DHX40: variants seen among roughly 807,000 people sequenced by gnomAD.
DHX40 encodes DEAH-box helicase 40, also known as probable ATP-dependent RNA helicase DHX40.
DHX40 carries 28 observed loss-of-function variants against 89.6 expected under a neutral mutation model. That is an observed-to-expected ratio of 0.31 (90% confidence interval 0.23 to 0.43). The LOEUF (loss-of-function observed/expected upper bound fraction) is 0.43, where lower values mean the gene tolerates loss of function less well. DHX40 is among the 20% of genes least tolerant of loss of function. The probability of loss-of-function intolerance (pLI) is 1.00; values close to 1 mark genes in which losing one functional copy is unlikely to be tolerated. For synonymous variants in DHX40, 226 were observed against 283.6 expected (o/e 0.80, Z 2.04); for missense variants, 457 against 844.0 (o/e 0.54, Z 5.68).
chr17:59,571,457 CAAAA>C (rs111317491), intron 3 of DHX40, among the ~76,000 whole-genome samples: 4 of 136,480 alleles, frequency 2.9e-5, no homozygotes, highest in African/African-American at 2.7e-5. Flanking sequence ...AACTCCACCT[CAAAA>C]AAAAAAAAAA....
At chr17:59,577,390 A>C (rs778967244) in intron 8 of DHX40, 25 bp downstream of exon 8, 34 of 1,586,572 alleles carry the variant, frequency 2.1e-5, no homozygotes, top group Non-Finnish European at 2.9e-5. Context: ...CTTTCTCTTA[A>C]AGTCAAGGAA....
At chr17:59,588,443 CTT>C (rs1193000792) in intron 12 of DHX40, among the ~76,000 whole-genome samples, 2 of 151,286 alleles carry the variant, frequency 1.3e-5, no homozygotes, top group African/African-American at 2.4e-5. Context: ...AGGGATCACT[CTT>C]TGTGTTATAT....
intron 12 of DHX40, among the ~76,000 whole-genome samples, chr17:59,594,874 C>G: frequency 6.6e-6 from 1 of 151,368 alleles, no homozygotes; most frequent in South Asian, 2.1e-4. Context: ...ACTGTCCTTA[C>G]CGAATTCCAT....
chr17:59,597,656 G>A (rs945306670), intron 12 of DHX40, among the ~76,000 whole-genome samples: 9 of 151,744 alleles, frequency 5.9e-5, no homozygotes, highest in Non-Finnish European at 1.3e-4. Context: ...CTGGGCTTGG[G>A]CCGGGCACGG....
chr17:59,565,806 GA>G, intron 1 of DHX40, 23 bp downstream of exon 1: 1 of 1,578,326 alleles, frequency 6.3e-7, no homozygotes. Context: ...GGACGGTACG[GA>G]AGCCAGCGGG....
chr17:59,589,968 A>G lies in DHX40; in HGVS notation c.1582+1915A>G, dbSNP rs145004760. On this transcript the variant is annotated intron_variant, in intron 12 of 17. Transcript: ENST00000251241. ...ACTCCTGACCTCAGGTGATCTGCCT[A>G]CCTTGGCCTTGGGATTGCAGGCATG... 4.0e-3 allele frequency among the ~76,000 whole-genome samples: 596 copies of G among 150,426 alleles called. 20 individuals carry two copies. The highest frequency in any genetic ancestry group is 0.028 in the East Asian group (146 of 5,134).
chr17:59,581,926 A>G (rs1448175180), intron 10 of DHX40, among the ~76,000 whole-genome samples: 5 of 120,376 alleles, frequency 4.2e-5, no homozygotes, highest in Non-Finnish European at 8.1e-5. Flanking sequence ...AGAGAAAAGC[A>G]TGTAATAAAT....
At chr17:59,571,223 C>T (rs1028963488) in intron 3 of DHX40, among the ~76,000 whole-genome samples, 5 of 151,976 alleles carry the variant, frequency 3.3e-5, no homozygotes, top group Non-Finnish European at 7.4e-5. Context: ...TTTGGGAGGC[C>T]GAGGCGGGTG....
chr17:59,604,107 T>C (rs1453779172), intron 15 of DHX40: 1 of 152,210 alleles, frequency 6.6e-6, no homozygotes, highest in Non-Finnish European at 1.5e-5. Context: ...ATTGGTGAAA[T>C]GTCAGTGGGG....
chr17:59,566,200 C>T (rs2048702616), intron 1 of DHX40, among the ~76,000 whole-genome samples: 1 of 152,152 alleles, frequency 6.6e-6, no homozygotes, highest in African/African-American at 2.4e-5. Flanking sequence ...ATCAGTCGCT[C>T]TGAACAGGGA....
At chr17:59,587,700 C>T (rs914303838) in intron 11 of DHX40, among the ~76,000 whole-genome samples, 196 bp from the exon 12 acceptor site, 10 of 151,770 alleles carry the variant, frequency 6.6e-5, no homozygotes, top group African/African-American at 2.4e-4. Context: ...TCAGGTGATC[C>T]ACCTGCCTCA....
rs1266557999 is a variant in DHX40 at position 59,577,838 on chromosome 17, G to C, written c.1073+473G>C. 1.1e-4 allele frequency among the ~76,000 whole-genome samples: 16 copies of C among 151,934 alleles called. No homozygotes were observed. The East Asian group carries it at 2.1e-3, about 20-fold the overall frequency. ...AATGCTTTATGGGTTTCACTAAATA[G>C]GAAGCCAAACCTATTTTTCTGTACT... is the stretch of plus-strand genomic sequence containing the variant. On this transcript the variant is annotated intron_variant, in intron 8 of 17. Transcript: ENST00000251241.
chr17:59,598,552 A>G (rs1361564320), intron 12 of DHX40, among the ~76,000 whole-genome samples, 185 bp from the exon 13 acceptor site: 1 of 152,066 alleles, frequency 6.6e-6, no homozygotes, highest in Non-Finnish European at 1.5e-5. Flanking sequence ...CTCCAAAGTG[A>G]TATGAAAAGA....
Position 59,574,173 on chromosome 17 carries a change from C to T in DHX40, c.775-15C>T. On this transcript the variant is annotated splice_polypyrimidine_tract_variant and intron_variant, in intron 5 of 17. Coordinates refer to ENST00000251241, the MANE Select transcript of DHX40 (RefSeq NM_024612.5). ...TATTTCCACTAGCATATTATGCCTG[C>T]ATTTCTTGCTTTAGATTGTGAAAGT... 2 of 522,868 alleles carry T rather than the reference C, an allele frequency of 3.8e-6. No individual in the cohort carries two copies. Among genetic ancestry groups the T allele is most frequent in the South Asian group, 4.3e-5 (2 of 46,430 alleles). The allele number at this position is 522,868 out of a possible 1,614,324, so 32.4% of individuals were successfully genotyped here.
At position 59,573,774 on chromosome 17, in the gene DHX40, A is replaced by G; in HGVS notation, c.581A>G (p.Gln194Arg). ...TTTGGTTTATTGAAGAAGCTATTTC[A>G]GGAGAAGTCTCCTAATAGGAAGGAG... ...ILFGLLKKLF[Q>R]EKSPNRKEHL... The change falls in exon 5 of 18, where the codon CAG becomes CGG. Residue 194 changes from glutamine to arginine, a missense_variant. Physicochemically the swap from Gln to Arg is conservative, Grantham distance 43. Transcript: ENST00000251241. The G allele has an allele frequency of 6.2e-7, 1 of 1,613,986 alleles. No individual in the cohort carries two copies. The highest frequency in any genetic ancestry group is 1.7e-5 in the Admixed American group (1 of 60,004).
At chr17:59,580,634 TAAAAA>T (rs567484118) in intron 10 of DHX40, among the ~76,000 whole-genome samples, 1 of 103,030 alleles carries the variant, frequency 9.7e-6, no homozygotes, top group Non-Finnish European at 1.9e-5. Context: ...TCTCTACAAT[TAAAAA>T]AAAAAAAAAG....
chr17:59,566,541 A>G (rs944585729), intron 1 of DHX40, 86 bp from the exon 2 acceptor site: 40 of 1,321,350 alleles, frequency 3.0e-5, no homozygotes, highest in Non-Finnish European at 3.8e-5. Flanking sequence ...CTAAAATTCT[A>G]TTGCCTTTCT....
At chr17:59,578,170 T>G (rs1408056500) in intron 8 of DHX40, among the ~76,000 whole-genome samples, 1 of 148,162 alleles carries the variant, frequency 6.7e-6, no homozygotes, top group Non-Finnish European at 1.5e-5. Context: ...TTTCTTTAGC[T>G]AAGTCTGATT....
intron 11 of DHX40, among the ~76,000 whole-genome samples, chr17:59,587,140 A>G (rs1470086780): frequency 2.0e-5 from 3 of 150,690 alleles, no homozygotes; most frequent in Non-Finnish European, 3.0e-5. Context: ...TGGGAGACGG[A>G]GCAAGACCCT....
Sources: allele counts gnomAD v4.1 joint callset (sites outside exome capture counted in the v4.1 genomes callset), GRCh38; gene constraint gnomAD v4.1.1; transcripts MANE v1.5; gene names NCBI Gene and HGNC (gene_info 2026-07-23, HGNC 2026-07-21).